Variants in DSCAM observed in about 807,000 individuals in gnomAD.
DSCAM encodes cell adhesion molecule DSCAM.
DSCAM carries 47 observed loss-of-function variants against 217.7 expected under a neutral mutation model. The observed-to-expected ratio is 0.22, with a 90% CI of 0.17 to 0.28. The LOEUF (loss-of-function observed/expected upper bound fraction) is 0.28, where lower values mean the gene tolerates loss of function less well. DSCAM is among the 10% of genes least tolerant of loss of function. DSCAM has a pLI of 1.00. For missense variants in DSCAM, 2,080 were observed against 2,618.3 expected, an observed-to-expected ratio of 0.79 and a Z score of 4.49; for synonymous variants, 1,056 against 1,015.3, an observed-to-expected ratio of 1.04 and a Z score of -0.76.
rs143584596 is a variant in DSCAM at position 40,839,896 on chromosome 21, A to T, written c.43+6723T>A. Among the ~76,000 whole-genome samples, 406 of 152,336 alleles carry T rather than the reference A, an allele frequency of 2.7e-3. 2 individuals are homozygous for T. Among genetic ancestry groups the T allele is most frequent in the African/African-American group, 9.0e-3 (376 of 41,588 alleles). ...CTGTCATTCTAACTCTCTGTGTAGT[A>T]GCCTCTTTCCTTCTTCATATCTTGA... On this transcript the variant is annotated intron_variant, in intron 1 of 32. Transcript: ENST00000400454.
chr21:40,503,614 T>C (rs1427209133), intron 3 of DSCAM, among the ~76,000 whole-genome samples: 1 of 152,176 alleles, frequency 6.6e-6, no homozygotes, highest in Non-Finnish European at 1.5e-5. Context: ...GTGGGTTACC[T>C]TACCTCAGGT....
In DSCAM at chr21:40,051,969, C is replaced by T. The variant is rs199574826; in HGVS notation, c.5174G>A (p.Arg1725Gln). ...TGTTGACCACTCACTCGTTCCCGGC[C>T]GAGCGTCTGAAACATCCACTAAGGG... Reference protein sequence around the residue: ...TGPLVDVSDARPGTNPTTRRN... With the variant: ...TGPLVDVSDAQPGTNPTTRRN... The change falls in exon 30 of 33, where the codon CGG becomes CAG. Residue 1725 changes from arginine (R) to glutamine (Q), a missense_variant. By Grantham distance (43) the Arg-to-Gln change is conservative (BLOSUM62 1). This residue lies in a region of DSCAM where 1,144 missense variants were observed against 1,421.1 expected (regional missense o/e 0.81). Transcript: ENST00000400454. The T allele has an allele frequency of 9.1e-5, 146 of 1,612,606 alleles. No homozygotes were observed. Among genetic ancestry groups the T allele is most frequent in the Admixed American group, 1.2e-4 (7 of 59,654 alleles).
chr21:40,068,883 C>T (rs1430522299), intron 27 of DSCAM, among the ~76,000 whole-genome samples: 1 of 151,852 alleles, frequency 6.6e-6, no homozygotes, highest in Non-Finnish European at 1.5e-5. Flanking sequence ...GTTGTGAGTT[C>T]GAGACCAGCC....
rs559693846 is a variant in DSCAM at position 40,530,330 on chromosome 21, A to G, written c.509-161085T>C. Among the ~76,000 whole-genome samples the G allele has an allele frequency of 1.4e-4, 22 of 152,362 alleles. 2 individuals carry two copies. The South Asian group carries it at 3.5e-3, about 24-fold the overall frequency. On this transcript the variant is annotated intron_variant, in intron 3 of 32. Coordinates refer to ENST00000400454, the MANE Select transcript of DSCAM (RefSeq NM_001389.5). ...CTCAATTTGACTTTTGTTGATAAAC[A>G]AAACTACAGGTTAAAAAAAGTTTTT...
At chr21:40,775,984 A>G (rs1858867388) in intron 1 of DSCAM, among the ~76,000 whole-genome samples, 1 of 152,164 alleles carries the variant, frequency 6.6e-6, no homozygotes, top group African/African-American at 2.4e-5. Flanking sequence ...ATGTGAATTT[A>G]TACATTTCCC....
rs140583715 is a variant in DSCAM at position 40,618,350 on chromosome 21, G to C, written c.508+74460C>G. On this transcript the variant is annotated intron_variant, in intron 3 of 32. Transcript: ENST00000400454. Reference sequence around the variant, plus strand: ...AACTTCCACATGACATCCTCTAAAGGGGGAGGGCAGGAGGGGTGCTTGTTG... The same window carrying C: ...AACTTCCACATGACATCCTCTAAAGCGGGAGGGCAGGAGGGGTGCTTGTTG... Among the ~76,000 whole-genome samples, 8 of 152,242 alleles carry C rather than the reference G, an allele frequency of 5.3e-5. No homozygotes were observed. The East Asian group carries it at 1.5e-3, about 29-fold the overall frequency.
At chr21:40,706,984 C>CACAG (rs2090724905) in intron 2 of DSCAM, among the ~76,000 whole-genome samples, 1 of 152,152 alleles carries the variant, frequency 6.6e-6, no homozygotes, top group African/African-American at 2.4e-5. Flanking sequence ...AGGCAGGTAG[C>CACAG]ACAGACGCCA....
At chr21:40,703,299 T>G (rs531530084) in intron 2 of DSCAM, among the ~76,000 whole-genome samples, 1 of 152,282 alleles carries the variant, frequency 6.6e-6, no homozygotes, top group Admixed American at 6.5e-5. Flanking sequence ...GGCAACTTCT[T>G]GAGCCCAGGA....
At chr21:40,613,490 A>C (rs1450884802) in intron 3 of DSCAM, among the ~76,000 whole-genome samples, 1 of 152,240 alleles carries the variant, frequency 6.6e-6, no homozygotes, top group South Asian at 2.1e-4. Context: ...ATCTAAGGCA[A>C]AATTAAACAA....
chr21:40,205,032 T>C (rs1400250979), intron 11 of DSCAM, among the ~76,000 whole-genome samples: 1 of 152,126 alleles, frequency 6.6e-6, no homozygotes, highest in Non-Finnish European at 1.5e-5. Flanking sequence ...AAGGGGGAAA[T>C]GGAAGGAGCA....
intron 1 of DSCAM, among the ~76,000 whole-genome samples, chr21:40,733,793 G>T (rs1338084895): frequency 6.6e-6 from 1 of 152,186 alleles, no homozygotes; most frequent in African/African-American, 2.4e-5. Flanking sequence ...GACCCTGCTT[G>T]TGGTTGGGGG....
At chr21:40,693,133 T>G (rs577874929) in intron 2 of DSCAM, among the ~76,000 whole-genome samples, 177 bp from the exon 3 acceptor site, 7 of 152,324 alleles carry the variant, frequency 4.6e-5, no homozygotes, top group Admixed American at 4.6e-4. Context: ...AAGAAAACAT[T>G]CATTCCCTTA....
intron 9 of DSCAM, among the ~76,000 whole-genome samples, chr21:40,301,822 CTAAGT>C (rs2074019740): frequency 6.6e-6 from 1 of 152,170 alleles, no homozygotes; most frequent in Non-Finnish European, 1.5e-5. Flanking sequence ...CGGAGCATGG[CTAAGT>C]TAATAACGCA....
chr21:40,678,875 G>C (rs59927856), intron 3 of DSCAM, among the ~76,000 whole-genome samples: 3 of 152,118 alleles, frequency 2.0e-5, no homozygotes, highest in Non-Finnish European at 4.4e-5. Context: ...TGAAGGTCTC[G>C]GCATGTCAGC....
chr21:40,080,405 C>T (rs2089438758), intron 24 of DSCAM, 65 bp from the exon 25 acceptor site: 4 of 1,352,966 alleles, frequency 3.0e-6, no homozygotes, highest in South Asian at 1.6e-5. Flanking sequence ...TGGACTGATG[C>T]TTGCATTTTG....
chr21:40,021,596 G>A (rs3859702), intron 32 of DSCAM, among the ~76,000 whole-genome samples: 25,071 of 152,092 alleles, frequency 0.16, 2,191 homozygotes, highest in Middle Eastern at 0.22. Context: ...AGGATGAGAC[G>A]CTTTACCCAT....
chr21:40,419,511 A>G (rs887701988), intron 3 of DSCAM, among the ~76,000 whole-genome samples: 30 of 152,156 alleles, frequency 2.0e-4, no homozygotes, highest in Non-Finnish European at 4.4e-5. Flanking sequence ...ATGGAACAGA[A>G]TATGCACCTC....
At chr21:40,429,861 T>C (rs2075513743) in intron 3 of DSCAM, among the ~76,000 whole-genome samples, 1 of 152,184 alleles carries the variant, frequency 6.6e-6, no homozygotes, top group Admixed American at 6.5e-5. Context: ...TTCCAGATGG[T>C]GAGATGCAAA....
intron 3 of DSCAM, among the ~76,000 whole-genome samples, chr21:40,478,375 G>A (rs2075954941): frequency 6.6e-6 from 1 of 152,106 alleles, no homozygotes; most frequent in African/African-American, 2.4e-5. Context: ...TTCTTTTGGG[G>A]ACATAGCTGG....
Sources: gnomAD v4.1 joint callset for allele counts (sites outside exome capture counted in the v4.1 genomes callset) on GRCh38, gnomAD v4.1.1 for gene constraint, gnomAD v4.1.1 regional missense constraint, MANE v1.5 for transcripts, NCBI Gene and HGNC (gene_info 2026-07-23, HGNC 2026-07-21) for gene names.